The following PPP1R16B variants were observed in gnomAD, a reference collection of about 807,000 sequenced individuals.
PPP1R16B encodes the protein protein phosphatase 1 regulatory subunit 16B, also known as protein phosphatase 1 regulatory inhibitor subunit 16B.
In PPP1R16B, 14 loss-of-function variants were observed where a neutral mutation model predicts 61.7. The ratio of observed to expected loss-of-function variants is 0.23; its 90% CI spans 0.15 to 0.35. The LOEUF (loss-of-function observed/expected upper bound fraction) is 0.35. PPP1R16B is among the 10% of genes least tolerant of loss of function. PPP1R16B has a pLI of 1.00. For missense variants in PPP1R16B, 547 were observed against 752.5 expected, an observed-to-expected ratio of 0.73 and a Z score of 3.19; for synonymous variants, 266 against 305.3, an observed-to-expected ratio of 0.87 and a Z score of 1.34.
At chr20:38,862,420 G>C (rs533304017) in intron 2 of PPP1R16B, among the ~76,000 whole-genome samples, 3 of 152,172 alleles carry the variant, frequency 2.0e-5, no homozygotes, top group African/African-American at 7.2e-5. Context: ...TCACAGCTCC[G>C]AGTGCTCAAG....
intron 1 of PPP1R16B, among the ~76,000 whole-genome samples, chr20:38,832,647 G>A (rs1469417237): frequency 6.6e-6 from 1 of 152,094 alleles, no homozygotes; most frequent in Non-Finnish European, 1.5e-5. Flanking sequence ...TGCCAGGCGC[G>A]GGGGCTCACG....
intron 6 of PPP1R16B, among the ~76,000 whole-genome samples, chr20:38,904,875 A>G (rs1000345222): frequency 5.3e-5 from 8 of 152,170 alleles, no homozygotes; most frequent in African/African-American, 9.7e-5. Context: ...TTGGCTGGGC[A>G]GTTGATGTCT....
intron 4 of PPP1R16B, among the ~76,000 whole-genome samples, chr20:38,896,110 C>CCCTT (rs1201675148): frequency 8.6e-6 from 1 of 115,664 alleles, no homozygotes; most frequent in Non-Finnish European, 1.8e-5. Context: ...TGTCTCCCCT[C>CCCTT]CCTTCCTTCT....
chr20:38,851,464 T>TAA (rs573299357), intron 2 of PPP1R16B, among the ~76,000 whole-genome samples: 2 of 140,618 alleles, frequency 1.4e-5, no homozygotes, highest in African/African-American at 5.2e-5. Context: ...GACTCCATCT[T>TAA]AAAAAAAAAA....
rs565208356 is a variant in PPP1R16B, at chr20:38,836,321, G to A, written c.250+146G>A. ...CCAGCAGCCCCATTCCTCTTAGGAAGTGGACGTTCCTAGGAACTTCGAATT... is the reference window on the plus strand; with the variant it reads ...CCAGCAGCCCCATTCCTCTTAGGAAATGGACGTTCCTAGGAACTTCGAATT... On this transcript the variant is annotated intron_variant, in intron 2 of 10. Transcript: ENST00000299824. The A allele has an allele frequency of 1.8e-5, 22 of 1,218,238 alleles. No homozygotes were observed. The African/African-American group carries it at 3.2e-4, about 18-fold the overall frequency. 75.5% of individuals were successfully genotyped at this position (1,218,238 alleles called of 1,614,324 possible).
intron 4 of PPP1R16B, among the ~76,000 whole-genome samples, chr20:38,897,739 C>T (rs538012255): frequency 8.5e-5 from 13 of 152,346 alleles, no homozygotes; most frequent in Non-Finnish European, 2.9e-5. Context: ...AGTTTCTCCA[C>T]ATCCTCACCA....
At chr20:38,909,036 C>G (rs140110196) in intron 10 of PPP1R16B, among the ~76,000 whole-genome samples, 170 of 152,186 alleles carry the variant, frequency 1.1e-3, no homozygotes, top group African/African-American at 4.0e-3. Flanking sequence ...GGGTCTTGCT[C>G]TGTCACTCAG....
chr20:38,853,615 C>T (rs1334522061), intron 2 of PPP1R16B, among the ~76,000 whole-genome samples: 2 of 152,184 alleles, frequency 1.3e-5, no homozygotes, highest in Non-Finnish European at 2.9e-5. Flanking sequence ...TAATCACTTG[C>T]CTTTTGTTGC....
chr20:38,901,928 T>C (rs1224302163), intron 5 of PPP1R16B, among the ~76,000 whole-genome samples: 2 of 152,254 alleles, frequency 1.3e-5, no homozygotes, highest in African/African-American at 4.8e-5. Context: ...TACATTCTAA[T>C]GGTAGGGAAT....
chr20:38,880,581 AT>A (rs2085197371), intron 2 of PPP1R16B, among the ~76,000 whole-genome samples: 2 of 152,102 alleles, frequency 1.3e-5, no homozygotes, highest in Non-Finnish European at 2.9e-5. Flanking sequence ...AGGTGGGAGG[AT>A]TGCTTGAGCC....
chr20:38,807,780 T>C (rs975510585), intron 1 of PPP1R16B, among the ~76,000 whole-genome samples: 1 of 152,186 alleles, frequency 6.6e-6, no homozygotes, highest in African/African-American at 2.4e-5. Flanking sequence ...TCCTGGAACC[T>C]TCCTGGCTCC....
In PPP1R16B at chr20:38,814,093, G is replaced by A. The variant is rs550035716; in HGVS notation, c.-102+8301G>A. Among the ~76,000 whole-genome samples the A allele has an allele frequency of 1.2e-4, 18 of 152,210 alleles. No individual in the cohort carries two copies. The South Asian group carries it at 2.7e-3, about 23-fold the overall frequency. On this transcript the variant is annotated intron_variant, in intron 1 of 10. Transcript: ENST00000299824. ...ATTACAGGCATGAGCCACTGTGTCT[G>A]GCCAGGTGTGACTTTAGTGCTACTC...
At chr20:38,911,171 CT>C (rs1260598259) in intron 10 of PPP1R16B, among the ~76,000 whole-genome samples, 131 of 125,214 alleles carry the variant, frequency 1.0e-3, no homozygotes, top group Non-Finnish European at 1.3e-3. Flanking sequence ...TTTTCTTTTT[CT>C]TTTTTTTTTT....
At chr20:38,901,173 C>A (rs1396638918) in intron 5 of PPP1R16B, among the ~76,000 whole-genome samples, 1 of 152,088 alleles carries the variant, frequency 6.6e-6, no homozygotes, top group Non-Finnish European at 1.5e-5. Flanking sequence ...ACCTGCGTGC[C>A]CCAGCACCCC....
intron 2 of PPP1R16B, chr20:38,872,961 G>GT (rs1280221165): frequency 6.6e-6 from 1 of 152,348 alleles, no homozygotes; most frequent in African/African-American, 2.4e-5. Context: ...AGTGGCCCAG[G>GT]TCGGAAACAG....
chr20:38,844,887 A>G (rs2084927762), intron 2 of PPP1R16B, among the ~76,000 whole-genome samples: 1 of 152,138 alleles, frequency 6.6e-6, no homozygotes, highest in South Asian at 2.1e-4. Flanking sequence ...GAGTCTAGAG[A>G]CCACTTTGAG....
At chr20:38,839,363 T>C (rs1156245014) in intron 2 of PPP1R16B, among the ~76,000 whole-genome samples, 2 of 152,258 alleles carry the variant, frequency 1.3e-5, no homozygotes, top group African/African-American at 4.8e-5. Flanking sequence ...ACGCACTTTA[T>C]TTTGTTTTGT....
At chr20:38,898,164 A>G (rs781594775) in intron 4 of PPP1R16B, among the ~76,000 whole-genome samples, 2 of 152,106 alleles carry the variant, frequency 1.3e-5, no homozygotes, top group Non-Finnish European at 2.9e-5. Context: ...AATCTTATAT[A>G]TGGTATTGGG....
At chr20:38,828,217 C>A (rs747216209) in intron 1 of PPP1R16B, among the ~76,000 whole-genome samples, 1 of 152,196 alleles carries the variant, frequency 6.6e-6, no homozygotes, top group African/African-American at 2.4e-5. Flanking sequence ...AGCCTGGGCC[C>A]GCTTCTCCCA....
Sources: allele counts gnomAD v4.1 joint callset (sites outside exome capture counted in the v4.1 genomes callset), GRCh38; gene constraint gnomAD v4.1.1; transcripts MANE v1.5; gene names NCBI Gene and HGNC (gene_info 2026-07-23, HGNC 2026-07-21).